The following RAD50 variants were observed in gnomAD, a reference collection of about 807,000 sequenced individuals.
RAD50 encodes DNA repair protein RAD50.
Under a neutral mutation model 168.8 loss-of-function variants are expected in RAD50, and 132 were observed. That is an observed-to-expected ratio of 0.78 (90% CI 0.68 to 0.90). RAD50 has a LOEUF of 0.90. Among genes scored for constraint, RAD50 ranks in the 40% least tolerant of loss-of-function variants. The probability of loss-of-function intolerance (pLI) is 0.00; values close to 1 mark genes in which losing one functional copy is unlikely to be tolerated. For missense variants in RAD50, 1,347 were observed against 1,534.4 expected (o/e 0.88, Z 2.04); for synonymous variants, 525 against 497.4 (o/e 1.06, Z -0.74).
At position 132,638,074 on chromosome 5, in the gene RAD50, G is replaced by A. The variant is rs1283810116; in HGVS notation, c.3476-7G>A. 7 of 1,613,620 alleles carry A rather than the reference G, an allele frequency of 4.3e-6. No individual in the cohort carries two copies. In the East Asian group the frequency reaches 8.9e-5, roughly 21 times the overall value. On this transcript the variant is annotated splice_polypyrimidine_tract_variant and splice_region_variant and intron_variant, in intron 22 of 24. Transcript: ENST00000378823. The stretch of plus-strand genomic sequence containing the variant: ...GTTCCTCTAAAATATTCTTCTTCCT[G>A]TGTCAGATATTGAATACATAGAAAT...
At chr5:132,598,051 C>CTTT (rs11414936) in intron 13 of RAD50, among the ~76,000 whole-genome samples, 1 of 142,682 alleles carries the variant, frequency 7.0e-6, no homozygotes, top group African/African-American at 2.6e-5. Context: ...ATCACGGCTC[C>CTTT]TTTTTTTTTT....
At chr5:132,597,170 C>T (rs1351105794) in intron 13 of RAD50, among the ~76,000 whole-genome samples, 1 of 151,908 alleles carries the variant, frequency 6.6e-6, no homozygotes, top group Non-Finnish European at 1.5e-5. Context: ...AGCAGAAAAA[C>T]CAGGAGAGTG....
rs181669169 is a variant in RAD50, at chr5:132,579,145, G to A, written c.366-172G>A. ...TTACATATCTTTTCATCTGTGAACC[G>A]TTAAATAGTTTAAGAGTTACACTTT... is the stretch of plus-strand genomic sequence containing the variant. On this transcript the variant is annotated intron_variant, in intron 3 of 24. Coordinates refer to ENST00000378823, the MANE Select transcript of RAD50 (RefSeq NM_005732.4). Among the ~76,000 whole-genome samples, 272 of 152,072 alleles carry A rather than the reference G, an allele frequency of 1.8e-3. 1 individual carries two copies. Among genetic ancestry groups the A allele is most frequent in the African/African-American group, 6.2e-3 (258 of 41,480 alleles).
rs762188153 is a variant in RAD50, at chr5:132,591,374, C to T, written c.1603C>T (p.Arg535Cys). 7.4e-6 allele frequency: 12 copies of T among 1,613,704 alleles called. No homozygotes were observed. The African/African-American group carries it at 9.3e-5, about 13-fold the overall frequency. Residue 535 changes from arginine to cysteine, a missense_variant, in exon 10 of 25, where the codon CGT becomes TGT. Around this residue, in one of 3 missense-constraint regions of RAD50, gnomAD observed 703 missense variants for 767.7 expected, o/e 0.92. Transcript: ENST00000378823. Reference sequence around the variant, plus strand: ...GCAGTTAAACCATCATACAACAACACGTACCCAAATGGAGATGCTGACCAA... The same window carrying T: ...GCAGTTAAACCATCATACAACAACATGTACCCAAATGGAGATGCTGACCAA... ...MEQLNHHTTT[R>C]TQMEMLTKDK...
At chr5:132,607,878 A>T (rs955200061) in intron 16 of RAD50, among the ~76,000 whole-genome samples, 1 of 152,362 alleles carries the variant, frequency 6.6e-6, no homozygotes, top group Admixed American at 6.5e-5. Flanking sequence ...ATCTACCTCT[A>T]TAGATTCACT....
intron 11 of RAD50, 123 bp downstream of exon 11, chr5:132,592,157 TACAA>T: frequency 1.9e-6 from 2 of 1,046,048 alleles, no homozygotes; most frequent in Non-Finnish European, 1.4e-6. Context: ...AGTTCTTACA[TACAA>T]GGAGACTTCA....
intron 11 of RAD50, 22 bp from the exon 12 acceptor site, chr5:132,594,847 T>A: frequency 6.3e-7 from 1 of 1,583,384 alleles, no homozygotes; most frequent in Non-Finnish European, 8.7e-7. Context: ...AAAATGAAAA[T>A]CCATATTTGC....
At chr5:132,591,592 T>C (rs952650903) in intron 10 of RAD50, among the ~76,000 whole-genome samples, 186 bp downstream of exon 10, 5 of 152,308 alleles carry the variant, frequency 3.3e-5, no homozygotes, top group Admixed American at 2.6e-4. Context: ...AAAAAGTTAA[T>C]ACAGAAATGT....
intron 23 of RAD50, 74 bp from the exon 24 acceptor site, chr5:132,640,598 C>A: frequency 6.3e-7 from 1 of 1,596,642 alleles, no homozygotes; most frequent in South Asian, 1.1e-5. Flanking sequence ...CTGAAAAGAT[C>A]ATGTCAGGAC....
chr5:132,568,312 T>G (rs1750244531), intron 2 of RAD50, among the ~76,000 whole-genome samples: 1 of 152,102 alleles, frequency 6.6e-6, no homozygotes, highest in Non-Finnish European at 1.5e-5. Flanking sequence ...CTCGAACTCA[T>G]GACCTTGTGA....
intron 21 of RAD50, among the ~76,000 whole-genome samples, chr5:132,622,361 G>A (rs944268457): frequency 2.0e-5 from 3 of 152,046 alleles, no homozygotes. Flanking sequence ...GTTTTGTCAT[G>A]TTGCCCCGGC....
chr5:132,636,157 G>A (rs1751578423), intron 21 of RAD50, among the ~76,000 whole-genome samples: 1 of 152,126 alleles, frequency 6.6e-6, no homozygotes, highest in African/African-American at 2.4e-5. Context: ...TATGATGATC[G>A]CAGTAATGTT....
At chr5:132,614,356 C>T (rs1026998967) in intron 19 of RAD50, among the ~76,000 whole-genome samples, 1 of 152,164 alleles carries the variant, frequency 6.6e-6, no homozygotes, top group Non-Finnish European at 1.5e-5. Context: ...GTCACACCAG[C>T]TACAGTGGTA....
At chr5:132,618,472 G>A (rs781314666) in intron 21 of RAD50, among the ~76,000 whole-genome samples, 178 bp downstream of exon 21, 3 of 151,928 alleles carry the variant, frequency 2.0e-5, no homozygotes, top group African/African-American at 4.8e-5. Context: ...TCTGCCTCCC[G>A]GGTTCAAATG....
chr5:132,570,094 G>A (rs533480040), intron 2 of RAD50, among the ~76,000 whole-genome samples: 6 of 152,230 alleles, frequency 3.9e-5, no homozygotes, highest in South Asian at 2.1e-4. Flanking sequence ...ATAGTCTTTC[G>A]TGGTAAAAAC....
At chr5:132,634,186 A>G (rs974123785) in intron 21 of RAD50, among the ~76,000 whole-genome samples, 2 of 152,128 alleles carry the variant, frequency 1.3e-5, no homozygotes, top group African/African-American at 4.8e-5. Context: ...GTAATATCAC[A>G]TCTACCATTC....
At chr5:132,566,947 TCC>T (rs1241443662) in intron 2 of RAD50, among the ~76,000 whole-genome samples, 1 of 152,216 alleles carries the variant, frequency 6.6e-6, no homozygotes, top group Non-Finnish European at 1.5e-5. Context: ...GGTTAGATGC[TCC>T]TGCTTTGTAC....
At chr5:132,611,071 T>C (rs1751074497) in intron 19 of RAD50, among the ~76,000 whole-genome samples, 1 of 152,208 alleles carries the variant, frequency 6.6e-6, no homozygotes, top group Non-Finnish European at 1.5e-5. Flanking sequence ...AAGTCTGATA[T>C]GCTTGCTGAA....
In RAD50 at chr5:132,612,853, A is replaced by G. The variant is rs181056159; in HGVS notation, c.3037-3150A>G. On this transcript the variant is annotated intron_variant, in intron 19 of 24. Transcript: ENST00000378823. ...AAAAAATATATATATATATATGTCTATGTCTCCAATCCACACCAGTAAATC... is the reference window on the plus strand; with the variant it reads ...AAAAAATATATATATATATATGTCTGTGTCTCCAATCCACACCAGTAAATC... Among the ~76,000 whole-genome samples the G allele has an allele frequency of 7.2e-5, 11 of 152,062 alleles. No individual in the cohort carries two copies. In the East Asian group the frequency reaches 1.7e-3, roughly 24 times the overall value.
Sources: allele counts gnomAD v4.1 joint callset (sites outside exome capture counted in the v4.1 genomes callset), GRCh38; gene constraint gnomAD v4.1.1; regional missense constraint gnomAD v4.1.1; transcripts MANE v1.5; gene names NCBI Gene and HGNC (gene_info 2026-07-23, HGNC 2026-07-21).